The following ZBTB7C variants were observed in gnomAD, a reference collection of about 807,000 sequenced individuals.
ZBTB7C encodes the protein zinc finger and BTB domain containing 7C, also known as zinc finger and BTB domain-containing protein 7C.
A neutral mutation model predicts 25.7 loss-of-function variants in ZBTB7C; 8 were observed. The observed-to-expected ratio is 0.31, with a 90% CI of 0.18 to 0.56. ZBTB7C has a LOEUF of 0.56. Ranked by LOEUF, ZBTB7C falls within the 20% of genes least tolerant of loss-of-function variation. The probability of loss-of-function intolerance (pLI) is 0.91; values close to 1 mark genes in which losing one functional copy is unlikely to be tolerated. For synonymous variants in ZBTB7C, 394 were observed against 369.0 expected, an observed-to-expected ratio of 1.07 and a Z score of -0.78; for missense variants, 824 against 855.2, an observed-to-expected ratio of 0.96 and a Z score of 0.46.
At chr18:48,043,705 T>C (rs1187567668) in intron 3 of ZBTB7C, among the ~76,000 whole-genome samples, 1 of 151,540 alleles carries the variant, frequency 6.6e-6, no homozygotes, top group Non-Finnish European at 1.5e-5. Flanking sequence ...TGTACTATGG[T>C]TTTGCAAGAT....
chr18:48,267,370 G>A (rs186084985), intron 2 of ZBTB7C, among the ~76,000 whole-genome samples: 67 of 152,322 alleles, frequency 4.4e-4, no homozygotes, highest in African/African-American at 1.5e-3. Context: ...AAACTAATCG[G>A]CAGGGATAAA....
At chr18:48,189,379 G>C (rs1342664470) in intron 2 of ZBTB7C, among the ~76,000 whole-genome samples, 1 of 151,744 alleles carries the variant, frequency 6.6e-6, no homozygotes, top group Non-Finnish European at 1.5e-5. Context: ...TTTTTTCTTG[G>C]AATGTACTTT....
At chr18:48,292,869 A>G (rs529361363) in intron 2 of ZBTB7C, among the ~76,000 whole-genome samples, 3 of 152,330 alleles carry the variant, frequency 2.0e-5, no homozygotes, top group Admixed American at 2.0e-4. Context: ...AGCATAAAGC[A>G]TTGAAATCTA....
intron 1 of ZBTB7C, among the ~76,000 whole-genome samples, chr18:48,404,663 C>T (rs1341551322): frequency 2.6e-5 from 4 of 152,220 alleles, no homozygotes; most frequent in African/African-American, 7.2e-5. Context: ...AGGGTTCTCA[C>T]AATGCCTGTG....
At chr18:48,048,681 G>C (rs1345533150) in intron 3 of ZBTB7C, among the ~76,000 whole-genome samples, 1 of 152,130 alleles carries the variant, frequency 6.6e-6, no homozygotes, top group Non-Finnish European at 1.5e-5. Flanking sequence ...ACATCTTATG[G>C]GTGTTTTTGC....
At chr18:48,050,529 C>T (rs1208730556) in intron 3 of ZBTB7C, among the ~76,000 whole-genome samples, 5 of 152,196 alleles carry the variant, frequency 3.3e-5, no homozygotes, top group South Asian at 2.1e-4. Flanking sequence ...GGTTTCTGTG[C>T]GATTTGCTCT....
intron 3 of ZBTB7C, among the ~76,000 whole-genome samples, chr18:48,144,138 A>G (rs1226795665): frequency 6.6e-6 from 1 of 151,982 alleles, no homozygotes; most frequent in Non-Finnish European, 1.5e-5. Flanking sequence ...AATTAGCTGG[A>G]CGTGGTGGTG....
intron 2 of ZBTB7C, among the ~76,000 whole-genome samples, chr18:48,316,835 C>T (rs1238400225): frequency 6.6e-6 from 1 of 152,194 alleles, no homozygotes; most frequent in Non-Finnish European, 1.5e-5. Flanking sequence ...GAAGAGACCT[C>T]GTTCTACGTG....
Position 48,292,475 on chromosome 18 carries a change from A to T in ZBTB7C, c.-79+45699T>A, listed in dbSNP as rs190450531. On this transcript the variant is annotated intron_variant, in intron 2 of 4. Transcript: ENST00000590800. ...CCAAGGTGTCCAGACCCACTAAAGCACTGGACCACTAACTCCCTCCTCCTG... is the reference window on the plus strand; with the variant it reads ...CCAAGGTGTCCAGACCCACTAAAGCTCTGGACCACTAACTCCCTCCTCCTG... Among the ~76,000 whole-genome samples the T allele has an allele frequency of 1.7e-4, 26 of 152,210 alleles. No homozygotes were observed. In the South Asian group the frequency reaches 2.9e-3, roughly 17 times the overall value.
chr18:48,236,170 T>C (rs1351242269), intron 2 of ZBTB7C, among the ~76,000 whole-genome samples: 1 of 152,220 alleles, frequency 6.6e-6, no homozygotes, highest in African/African-American at 2.4e-5. Flanking sequence ...TACTCGTTAG[T>C]TCACTAAATA....
At position 48,032,759 on chromosome 18, in the gene ZBTB7C, A is replaced by G. The variant is rs140517011; in HGVS notation, c.1209-2848T>C. 4.4e-4 allele frequency among the ~76,000 whole-genome samples: 67 copies of G among 152,070 alleles called. 1 individual carries two copies. The highest frequency in any genetic ancestry group is 1.5e-3 in the African/African-American group (62 of 41,486). On this transcript the variant is annotated intron_variant, in intron 4 of 4. Coordinates refer to ENST00000590800, the MANE Select transcript of ZBTB7C (RefSeq NM_001318841.2). ...CCAGGTAGGTTTTTTTTAAGTCACT[A>G]TTACACATAATTAGTAGCACTGACC...
At chr18:48,323,082 A>G (rs918974002) in intron 2 of ZBTB7C, among the ~76,000 whole-genome samples, 11 of 152,308 alleles carry the variant, frequency 7.2e-5, no homozygotes, top group South Asian at 2.1e-4. Context: ...AAACACTACA[A>G]ATTGGGTTCA....
chr18:48,075,869 TC>T (rs929636774), intron 3 of ZBTB7C, among the ~76,000 whole-genome samples: 1 of 152,140 alleles, frequency 6.6e-6, no homozygotes, highest in African/African-American at 2.4e-5. Flanking sequence ...TGCCCCATCC[TC>T]CCAAATCCGC....
intron 3 of ZBTB7C, among the ~76,000 whole-genome samples, chr18:48,120,781 C>T (rs1442716879): frequency 6.6e-6 from 1 of 152,214 alleles, no homozygotes; most frequent in Non-Finnish European, 1.5e-5. Context: ...ACCCCATTCA[C>T]TTGGAGACTA....
intron 1 of ZBTB7C, among the ~76,000 whole-genome samples, chr18:48,361,799 G>A (rs115255534): frequency 2.1e-3 from 322 of 152,352 alleles, no homozygotes; most frequent in African/African-American, 7.5e-3. Context: ...TCAGAAGCCC[G>A]AGGTGGAGGA....
intron 2 of ZBTB7C, among the ~76,000 whole-genome samples, chr18:48,316,124 G>C (rs2045942305): frequency 6.6e-6 from 1 of 152,022 alleles, no homozygotes; most frequent in African/African-American, 2.4e-5. Context: ...GGGCTTAAAA[G>C]AACACTCCCT....
At chr18:48,182,602 T>C (rs2041956940) in intron 3 of ZBTB7C, among the ~76,000 whole-genome samples, 2 of 152,198 alleles carry the variant, frequency 1.3e-5, no homozygotes, top group Non-Finnish European at 2.9e-5. Context: ...ACGGATGACC[T>C]AGCTCCTGTT....
intron 3 of ZBTB7C, chr18:48,150,739 C>T (rs188604688): frequency 1.3e-5 from 2 of 152,236 alleles, no homozygotes; most frequent in African/African-American, 2.4e-5. Flanking sequence ...CTCTCTGTCT[C>T]GCATAGTTAG....
intron 2 of ZBTB7C, among the ~76,000 whole-genome samples, chr18:48,243,765 C>T (rs1366792735): frequency 1.3e-5 from 2 of 152,172 alleles, no homozygotes; most frequent in Admixed American, 6.5e-5. Context: ...CATTACCCAA[C>T]TTCAAACTGT....
Sources: allele counts gnomAD v4.1 joint callset (sites outside exome capture counted in the v4.1 genomes callset), GRCh38; gene constraint gnomAD v4.1.1; transcripts MANE v1.5; gene names NCBI Gene and HGNC (gene_info 2026-07-23, HGNC 2026-07-21).